Variants in LIG3 observed in about 807,000 individuals in gnomAD.
LIG3 encodes the protein DNA ligase 3.
In LIG3, 58 loss-of-function variants were observed where a neutral mutation model predicts 110.9. That is an observed-to-expected ratio of 0.52 (90% CI 0.42 to 0.65). The LOEUF is 0.65. LIG3 is among the 30% of genes least tolerant of loss of function. The pLI is 0.00. For synonymous variants in LIG3, 422 were observed against 472.8 expected, an observed-to-expected ratio of 0.89 and a Z score of 1.39; for missense variants, 1,094 against 1,273.8, an observed-to-expected ratio of 0.86 and a Z score of 2.15.
intron 17 of LIG3, 67 bp from the exon 18 acceptor site, chr17:35,001,842 C>T (rs1567694671): frequency 1.4e-6 from 2 of 1,440,192 alleles, no homozygotes; most frequent in East Asian, 4.6e-5. Context: ...ATACACCACA[C>T]ACACCACCTC....
At chr17:34,982,872 T>A (rs1417438387) in intron 1 of LIG3, 130 bp from the exon 2 acceptor site, 10 of 654,936 alleles carry the variant, frequency 1.5e-5, no homozygotes, top group Admixed American at 7.0e-5. Flanking sequence ...AGACTATGAA[T>A]GTAATACTTT....
chr17:34,999,918 C>G, intron 16 of LIG3, 62 bp downstream of exon 16: 7 of 1,346,676 alleles, frequency 5.2e-6, no homozygotes, highest in Non-Finnish European at 6.4e-6. Context: ...TTCTCTAGTG[C>G]CATAGAGAAT....
In LIG3 at chr17:34,989,658, C is replaced by G; in HGVS notation, c.884C>G (p.Ala295Gly). Residue 295 changes from alanine to glycine, a missense_variant, in exon 4 of 20, where the codon GCA (alanine) becomes GGA (glycine). Transcript: ENST00000378526. Reference protein sequence around the residue: ...IIQDFLRKGSAGDGFHGDVYL... With the variant: ...IIQDFLRKGSGGDGFHGDVYL... ...CAGGACTTCCTTCGGAAAGGCTCAG[C>G]AGGAGGTGTGGCATGAGCATCCTGA... 1.2e-6 allele frequency: 2 copies of G among 1,614,110 alleles called. No homozygotes were observed. Among genetic ancestry groups the G allele is most frequent in the South Asian group, 1.1e-5 (1 of 91,074 alleles).
At chr17:34,999,755 C>T in intron 15 of LIG3, 27 bp from the exon 16 acceptor site, 1 of 1,601,346 alleles carries the variant, frequency 6.2e-7, no homozygotes, top group Non-Finnish European at 8.6e-7. Context: ...TTGGGAACAG[C>T]CCAAAGTAGC....
At chr17:34,998,129 A>G (rs1382400537) in intron 12 of LIG3, 90 bp from the exon 13 acceptor site, 2 of 929,728 alleles carry the variant, frequency 2.2e-6, no homozygotes, top group African/African-American at 3.3e-5. Context: ...TCCAGTGGAC[A>G]CTTAACTAGT....
chr17:34,998,765 T>C (rs747620017), intron 14 of LIG3, 38 bp downstream of exon 14: 1 of 1,597,842 alleles, frequency 6.3e-7, no homozygotes, highest in Non-Finnish European at 8.5e-7. Flanking sequence ...GGTACTGTTT[T>C]AGAAGGTACC....
chr17:34,996,281 G>A (rs2090776758), intron 10 of LIG3, 86 bp downstream of exon 10: 2 of 1,426,528 alleles, frequency 1.4e-6, no homozygotes, highest in African/African-American at 2.8e-5. Flanking sequence ...TGAAAAGGGA[G>A]GAAATATCCC....
At chr17:34,998,468 A>C (rs3136010) in intron 13 of LIG3, 136 bp from the exon 14 acceptor site, 2 of 1,189,720 alleles carry the variant, frequency 1.7e-6, no homozygotes, top group Non-Finnish European at 1.2e-6. Context: ...TGTGTCTCCT[A>C]TAGTGCCTGG....
chr17:34,998,611 A>G lies in LIG3; in HGVS notation c.1997A>G (p.Tyr666Cys). 4.3e-6 allele frequency: 7 copies of G among 1,614,102 alleles called. No homozygotes were observed. The highest frequency in any genetic ancestry group is 5.9e-6 in the Non-Finnish European group (7 of 1,179,984). Reference sequence around the variant, plus strand: ...TCTTTTGCTTCCCTTCAGGGTACATATGAGCCTGGGAAGCGGCACTGGCTG... The same window carrying G: ...TCTTTTGCTTCCCTTCAGGGTACATGTGAGCCTGGGAAGCGGCACTGGCTG... ...GLVLKDVKGT[Y>C]EPGKRHWLKV... Residue 666 changes from tyrosine to cysteine, a missense_variant, in exon 14 of 20, where the codon TAT becomes TGT. Transcript: ENST00000378526.
Position 35,004,495 on chromosome 17 carries a change from G to A in LIG3, c.3019G>A (p.Ala1007Thr). 1 of 1,613,496 alleles carries A rather than the reference G, an allele frequency of 6.2e-7. No individual in the cohort carries two copies. The highest frequency in any genetic ancestry group is 8.5e-7 in the Non-Finnish European group (1 of 1,179,476). Residue 1007 changes from alanine to threonine, a missense_variant, in exon 20 of 20, where the codon GCT becomes ACT. Coordinates refer to ENST00000378526, the MANE Select transcript of LIG3 (RefSeq NM_013975.4). ...WACIRKRRLV[A>T]PC ...ATGTATCCGGAAACGGAGACTGGTA[G>A]CTCCCTGCTAGGTTTGCTGTCTTCC...
chr17:35,010,480 G>C (rs1363562774), downstream of LIG3: 3 of 152,368 alleles, frequency 2.0e-5, no homozygotes, highest in Admixed American at 6.5e-5. Flanking sequence ...CCTGCTGGGT[G>C]TGGTGGCTCA....
chr17:34,990,711 G>A (rs1424913084), intron 4 of LIG3, among the ~76,000 whole-genome samples: 1 of 152,128 alleles, frequency 6.6e-6, no homozygotes, highest in Non-Finnish European at 1.5e-5. Context: ...CAACCCTCCT[G>A]TCTTCTCCTG....
At chr17:34,981,960 C>T (rs2090599116) in intron 1 of LIG3, among the ~76,000 whole-genome samples, 1 of 152,208 alleles carries the variant, frequency 6.6e-6, no homozygotes, top group African/African-American at 2.4e-5. Context: ...GTTAATTGCA[C>T]ATCGGAAGCC....
At position 35,005,714 on chromosome 17, in the gene LIG3, G is replaced by A; in HGVS notation, c.*1208G>A. The A allele has an allele frequency of 1.8e-6, 1 of 560,944 alleles. No homozygotes were observed. Among genetic ancestry groups the A allele is most frequent in the South Asian group, 1.4e-5 (1 of 72,610 alleles). 34.7% of individuals were successfully genotyped at this position (560,944 alleles called of 1,614,324 possible). ...TCATGGCTGGAGTATTCATGTGAATGAAACTGCCGGGCTATCTGATGGGTT... is the reference window on the plus strand; with the variant it reads ...TCATGGCTGGAGTATTCATGTGAATAAAACTGCCGGGCTATCTGATGGGTT... On this transcript the variant is annotated 3_prime_UTR_variant, in exon 20 of 20. Coordinates refer to ENST00000378526, the MANE Select transcript of LIG3 (RefSeq NM_013975.4).
rs772256892 is a variant in LIG3 at position 35,004,425 on chromosome 17, C to T, written c.2949C>T (p.Asp983=). The T allele has an allele frequency of 6.2e-7, 1 of 1,614,188 alleles. No homozygotes were observed. Among genetic ancestry groups the T allele is most frequent in the Admixed American group, 1.7e-5 (1 of 60,026 alleles). ...TSATHVLGSR[D]KNPAAQQVSP... The stretch of plus-strand genomic sequence containing the variant: ...CCACGCACGTGCTGGGTAGCAGGGA[C>T]AAGAACCCTGCGGCCCAGCAGGTCT... Residue 983 remains aspartate, a synonymous_variant, in exon 20 of 20, where the codon GAC becomes GAT. Transcript: ENST00000378526.
chr17:34,994,168 C>G (rs2090754269), intron 8 of LIG3, 108 bp from the exon 9 acceptor site: 2 of 1,051,242 alleles, frequency 1.9e-6, no homozygotes, highest in South Asian at 1.6e-5. Flanking sequence ...GCAGTCAGTC[C>G]CAAGACCCAG....
Sources: gnomAD v4.1 joint callset for allele counts (sites outside exome capture counted in the v4.1 genomes callset) on GRCh38, gnomAD v4.1.1 for gene constraint, MANE v1.5 for transcripts, NCBI Gene and HGNC (gene_info 2026-07-23, HGNC 2026-07-21) for gene names.